EZR: variants seen among roughly 807,000 people sequenced by gnomAD.
EZR encodes ezrin, also known as cytovillin 2.
Under a neutral mutation model 74.8 loss-of-function variants are expected in EZR, and 40 were observed. That is an observed-to-expected ratio of 0.53 (90% CI 0.42 to 0.70). The LOEUF is 0.70. EZR is among the 30% of genes least tolerant of loss of function. The pLI is 0.00. For synonymous variants in EZR, 341 were observed against 283.3 expected, an observed-to-expected ratio of 1.20 and a Z score of -2.05; for missense variants, 678 against 755.8, an observed-to-expected ratio of 0.90 and a Z score of 1.21.
At chr6:158,787,375 C>T (rs1583570602) in intron 3 of EZR, among the ~76,000 whole-genome samples, 172 bp from the exon 4 acceptor site, 1 of 152,248 alleles carries the variant, frequency 6.6e-6, no homozygotes, top group East Asian at 1.9e-4. Flanking sequence ...TTGTTACTAA[C>T]TGAGGCTATT....
intron 2 of EZR, among the ~76,000 whole-genome samples, chr6:158,794,502 GTA>G (rs747904552): frequency 4.6e-5 from 7 of 152,198 alleles, no homozygotes; most frequent in African/African-American, 1.4e-4. Flanking sequence ...TACTGGGACT[GTA>G]TGATTCTGAT....
chr6:158,779,279 A>G (rs1357998973), intron 7 of EZR, among the ~76,000 whole-genome samples: 1 of 152,224 alleles, frequency 6.6e-6, no homozygotes, highest in Non-Finnish European at 1.5e-5. Flanking sequence ...CTCTTCAAAA[A>G]TACCAAGGTC....
At chr6:158,793,151 T>G (rs1191948005) in intron 2 of EZR, among the ~76,000 whole-genome samples, 1 of 142,666 alleles carries the variant, frequency 7.0e-6, no homozygotes, top group East Asian at 2.1e-4. Flanking sequence ...CAAGACCCCA[T>G]CTCTCTACAA....
intron 4 of EZR, 80 bp downstream of exon 4, chr6:158,787,028 G>C: frequency 8.9e-7 from 1 of 1,124,980 alleles, no homozygotes. Context: ...CAAAAGACAG[G>C]GTGAGTTGCT....
intron 8 of EZR, among the ~76,000 whole-genome samples, chr6:158,774,684 C>A (rs894543802): frequency 7.1e-6 from 1 of 140,332 alleles, no homozygotes; most frequent in African/African-American, 2.7e-5. Context: ...CACACACACA[C>A]ACACACACAC....
At chr6:158,818,252 T>C in intron 1 of EZR, 86 bp from the exon 2 acceptor site, 3 of 684,890 alleles carry the variant, frequency 4.4e-6, no homozygotes, top group South Asian at 2.2e-5. Context: ...CGCAGCGCGC[T>C]GCCGCTTAAG....
Position 158,767,496 on chromosome 6 carries a change from TC to T in EZR, c.1360del (p.Asp454MetfsTer4). The T allele has an allele frequency of 6.3e-7, 1 of 1,591,304 alleles. No homozygotes were observed. The highest frequency in any genetic ancestry group is 8.6e-7 in the Non-Finnish European group (1 of 1,167,268). On this transcript the variant is annotated frameshift_variant, in exon 13 of 14. Coordinates refer to ENST00000367075, the MANE Select transcript of EZR (RefSeq NM_001111077.2). LOFTEE classifies it high-confidence loss of function. ...CTCCTCCTTGGTCTTCACCAGGTCA[TC>T]CTGGGCTTCTTTGGCCTTTGGAAAG... ...EWQHRAKEAQDDLVKTKEELH... is the reference protein window; with the variant it reads ...EWQHRAKEAQXDLVKTKEELH...
chr6:158,809,310 G>A (rs1348101640), intron 2 of EZR, among the ~76,000 whole-genome samples: 1 of 152,148 alleles, frequency 6.6e-6, no homozygotes, highest in Non-Finnish European at 1.5e-5. Context: ...TTCACATACA[G>A]ACTATAGTAG....
rs370993123 is a variant in EZR at position 158,766,960 on chromosome 6, C to T, written c.1715G>A (p.Arg572Gln). ...RDKYKTLRQI[R>Q]QGNTKQRIDE... is the part of the protein sequence containing the mutation. ...GATGCGCTGCTTGGTGTTGCCCTGC[C>T]GGATCTGCCGCAGCGTCTTGTACTT... Residue 572 changes from arginine to glutamine, a missense_variant, in exon 14 of 14, where the codon CGG becomes CAG. Physicochemically the swap from Arg to Gln is conservative, Grantham distance 43. Coordinates refer to ENST00000367075, the MANE Select transcript of EZR (RefSeq NM_001111077.2). 5.6e-6 allele frequency: 9 copies of T among 1,614,068 alleles called. No individual in the cohort carries two copies. Among genetic ancestry groups the T allele is most frequent in the Admixed American group, 1.7e-5 (1 of 60,008 alleles).
At chr6:158,814,387 A>ACTGCGTCGCG (rs56043720) in intron 2 of EZR, among the ~76,000 whole-genome samples, 46 of 151,486 alleles carry the variant, frequency 3.0e-4, no homozygotes, top group African/African-American at 1.1e-3. Flanking sequence ...TTTCCTCTCG[A>ACTGCGTCGCG]CGTTACCTAG....
Position 158,800,243 on chromosome 6 carries a change from A to G in EZR, c.13-10872T>C, listed in dbSNP as rs75834267. ...TTTCTATTAAATGAAGTCTCTCTAT[A>G]TATATCATCAATTTATGACACTGAC... On this transcript the variant is annotated intron_variant, in intron 2 of 13. Transcript: ENST00000367075. Among the ~76,000 whole-genome samples the G allele has an allele frequency of 2.1e-4, 32 of 152,308 alleles. No homozygotes were observed. In the East Asian group the frequency reaches 5.4e-3, roughly 26 times the overall value.
chr6:158,785,598 CCA>C lies in EZR; in HGVS notation c.193-17_193-16del. ...TGGGCAGACACCTGCACGAAACAAG[CCA>C]CACTCTCCACACAAATCCGGAAGAC... On this transcript the variant is annotated splice_polypyrimidine_tract_variant and intron_variant, in intron 4 of 13. Coordinates refer to ENST00000367075, the MANE Select transcript of EZR (RefSeq NM_001111077.2). 2 of 1,610,490 alleles carry C rather than the reference CCA, an allele frequency of 1.2e-6. No individual in the cohort carries two copies. Among genetic ancestry groups the C allele is most frequent in the Non-Finnish European group, 1.7e-6 (2 of 1,177,016 alleles).
At chr6:158,774,109 A>G (rs1436352725) in intron 8 of EZR, among the ~76,000 whole-genome samples, 1 of 152,240 alleles carries the variant, frequency 6.6e-6, no homozygotes, top group Non-Finnish European at 1.5e-5. Flanking sequence ...ACACAAGATA[A>G]GGAATCCCAC....
Position 158,771,214 on chromosome 6 carries a change from G to GCCC in EZR, c.959+27_959+29dup, listed in dbSNP as rs140375264. The GCCC allele has an allele frequency of 6.4e-6, 10 of 1,569,416 alleles. No individual in the cohort carries two copies. In the Admixed American group the frequency reaches 9.0e-5, roughly 14 times the overall value. ...CAGTGGCTGAGTTGGGAGAACACAG[G>GCCC]CCCCCCCCACTCTGGCCTCACGCGC... On this transcript the variant is annotated intron_variant, in intron 9 of 13. Coordinates refer to ENST00000367075, the MANE Select transcript of EZR (RefSeq NM_001111077.2).
rs542475313 is a variant in EZR at position 158,811,199 on chromosome 6, C to T, written c.12+6883G>A. 1.6e-3 allele frequency among the ~76,000 whole-genome samples: 243 copies of T among 152,322 alleles called. 1 individual carries two copies. The highest frequency in any genetic ancestry group is 5.5e-3 in the African/African-American group (229 of 41,568). On this transcript the variant is annotated intron_variant, in intron 2 of 13. Transcript: ENST00000367075. ...AATGCAAACTTTGGTCTTTTCAACA[C>T]ACATTTACTGCTGAAATTAAAAACT...
At chr6:158,815,632 AT>A (rs1427971542) in intron 2 of EZR, among the ~76,000 whole-genome samples, 1 of 151,820 alleles carries the variant, frequency 6.6e-6, no homozygotes, top group Non-Finnish European at 1.5e-5. Context: ...CACCCAGATA[AT>A]TTTTCTATTT....
intron 11 of EZR, 95 bp from the exon 12 acceptor site, chr6:158,769,513 C>A (rs2128564383): frequency 1.6e-6 from 2 of 1,272,112 alleles, no homozygotes; most frequent in Admixed American, 1.9e-5. Flanking sequence ...AAGCAGTCTC[C>A]AACGTGACAC....
intron 8 of EZR, among the ~76,000 whole-genome samples, chr6:158,773,035 CTG>C (rs1431551637): frequency 2.6e-5 from 4 of 152,126 alleles, no homozygotes; most frequent in African/African-American, 7.2e-5. Context: ...AGGGAGGAGT[CTG>C]TGGAGCTGGG....
chr6:158,785,654 C>G, intron 4 of EZR, 71 bp from the exon 5 acceptor site: 5 of 1,566,872 alleles, frequency 3.2e-6, no homozygotes, highest in South Asian at 2.3e-5. Context: ...ACACAGGCTT[C>G]TAACCAAGAC....
Sources: allele counts gnomAD v4.1 joint callset (sites outside exome capture counted in the v4.1 genomes callset), GRCh38; gene constraint gnomAD v4.1.1; transcripts MANE v1.5; gene names NCBI Gene and HGNC (gene_info 2026-07-23, HGNC 2026-07-21).